Variants in KCND3 observed in about 807,000 individuals in gnomAD.
The protein encoded by KCND3 is potassium voltage-gated channel subfamily D member 3.
A neutral mutation model predicts 51.1 loss-of-function variants in KCND3; 9 were observed. That is an observed-to-expected ratio of 0.18 (90% confidence interval 0.11 to 0.31). KCND3 has a LOEUF of 0.31. KCND3 is among the 10% of genes least tolerant of loss of function. The pLI, the probability that KCND3 is intolerant of heterozygous loss-of-function variation, is 1.00. For missense variants in KCND3, 526 were observed against 903.8 expected (o/e 0.58, Z 5.36); for synonymous variants, 349 against 368.0 (o/e 0.95, Z 0.59).
At chr1:111,941,115 A>C (rs940039798) in intron 2 of KCND3, among the ~76,000 whole-genome samples, 4 of 152,148 alleles carry the variant, frequency 2.6e-5, no homozygotes, top group African/African-American at 9.7e-5. Context: ...ACCTCAGATG[A>C]GTGGCAGCTG....
At chr1:111,791,090 T>G (rs1394070738) in intron 2 of KCND3, among the ~76,000 whole-genome samples, 1 of 152,244 alleles carries the variant, frequency 6.6e-6, no homozygotes, top group Non-Finnish European at 1.5e-5. Flanking sequence ...ATACGGTAAC[T>G]ATGTTGAATA....
intron 2 of KCND3, among the ~76,000 whole-genome samples, chr1:111,850,646 A>G (rs1667770789): frequency 6.6e-6 from 1 of 152,188 alleles, no homozygotes; most frequent in Non-Finnish European, 1.5e-5. Flanking sequence ...GGATTCTGAC[A>G]TGGCTGGTCC....
At chr1:111,849,790 C>A (rs1667724702) in intron 2 of KCND3, among the ~76,000 whole-genome samples, 1 of 152,190 alleles carries the variant, frequency 6.6e-6, no homozygotes, top group South Asian at 2.1e-4. Context: ...CTCCTGAAAA[C>A]TCCGTGGCCC....
intron 2 of KCND3, among the ~76,000 whole-genome samples, chr1:111,801,258 G>T (rs991413491): frequency 6.6e-6 from 1 of 152,228 alleles, no homozygotes; most frequent in Non-Finnish European, 1.5e-5. Context: ...AGGGCTCCAT[G>T]CAGTCTGTGC....
At chr1:111,837,150 C>A (rs1300166249) in intron 2 of KCND3, among the ~76,000 whole-genome samples, 1 of 152,142 alleles carries the variant, frequency 6.6e-6, no homozygotes, top group Non-Finnish European at 1.5e-5. Context: ...GAGCAAAGAT[C>A]CAGACAGGCT....
chr1:111,963,297 A>G (rs777811171), intron 2 of KCND3, among the ~76,000 whole-genome samples: 17 of 152,254 alleles, frequency 1.1e-4, no homozygotes, highest in Admixed American at 2.6e-4. Context: ...AGAAGGAGCT[A>G]GAAAATAGGT....
rs2101900019 is a variant in KCND3, at chr1:111,948,143, C to T, written c.1106+33478G>A. Among the ~76,000 whole-genome samples, 3 of 152,340 alleles carry T rather than the reference C, an allele frequency of 2.0e-5. 1 individual carries two copies. ...TTTGGGGAGGCTGCCCCATCATGCC[C>T]ACAGGGCAAATGGGCCCCACCATGC... On this transcript the variant is annotated intron_variant, in intron 2 of 7. Transcript: ENST00000302127.
At chr1:111,889,724 G>C (rs1216383320) in intron 2 of KCND3, among the ~76,000 whole-genome samples, 2 of 152,146 alleles carry the variant, frequency 1.3e-5, no homozygotes, top group Admixed American at 1.3e-4. Flanking sequence ...AAAATGTAGG[G>C]AATCTGCATT....
intron 2 of KCND3, among the ~76,000 whole-genome samples, chr1:111,917,328 C>T (rs909718981): frequency 2.0e-5 from 3 of 152,160 alleles, no homozygotes; most frequent in African/African-American, 7.2e-5. Context: ...CATGCTCATC[C>T]GTGTAAAAGT....
Position 111,777,067 on chromosome 1 carries a change from C to T in KCND3, c.1725G>A (p.Thr575=), listed in dbSNP as rs148478583. 1.6e-5 allele frequency: 26 copies of T among 1,613,716 alleles called. No individual in the cohort carries two copies. Among genetic ancestry groups the T allele is most frequent in the African/African-American group, 8.0e-5 (6 of 74,888 alleles). ...GCTGCTCACTGCCCTGGATGTGGAT[C>T]GTGCTGAGCTCTTGCATGCTGCGCA... ...TRLRSMQELS[T]IHIQGSEQPS... is the part of the protein sequence containing the mutation. Residue 575 remains threonine (T), a synonymous_variant, in exon 7 of 8, where the codon ACG becomes ACA. Transcript: ENST00000302127.
At chr1:111,940,139 G>A (rs767455854) in intron 2 of KCND3, among the ~76,000 whole-genome samples, 2 of 122,218 alleles carry the variant, frequency 1.6e-5, no homozygotes, top group African/African-American at 3.2e-5. Flanking sequence ...TTTGTCAGAC[G>A]GACAGATTGC....
intron 1 of KCND3, among the ~76,000 whole-genome samples, chr1:111,984,869 TC>T (rs1344172416): frequency 1.3e-5 from 2 of 152,148 alleles, no homozygotes; most frequent in Non-Finnish European, 2.9e-5. Context: ...CTGTGATGCT[TC>T]CTCCTCTCCT....
At chr1:111,889,323 G>C (rs2101757652) in intron 2 of KCND3, among the ~76,000 whole-genome samples, 1 of 152,324 alleles carries the variant, frequency 6.6e-6, no homozygotes, top group Admixed American at 6.5e-5. Flanking sequence ...ATGGGACCCT[G>C]GCACCTGCTA....
At chr1:111,865,656 A>G (rs944014840) in intron 2 of KCND3, among the ~76,000 whole-genome samples, 3 of 152,208 alleles carry the variant, frequency 2.0e-5, no homozygotes, top group Non-Finnish European at 2.9e-5. Flanking sequence ...GCTATTGTTC[A>G]AAACAGCTCT....
At chr1:111,790,289 C>G (rs191532687) in intron 2 of KCND3, among the ~76,000 whole-genome samples, 3 of 152,074 alleles carry the variant, frequency 2.0e-5, no homozygotes, top group Non-Finnish European at 4.4e-5. Flanking sequence ...AGGGTTGTTG[C>G]GATAATTAAT....
At chr1:111,910,857 A>G (rs925295217) in intron 2 of KCND3, 1 of 152,246 alleles carries the variant, frequency 6.6e-6, no homozygotes, top group Non-Finnish European at 1.5e-5. Context: ...CAGAACAGAA[A>G]GAAAGGGAAT....
At chr1:111,946,891 T>A (rs1204451986) in intron 2 of KCND3, among the ~76,000 whole-genome samples, 2 of 152,198 alleles carry the variant, frequency 1.3e-5, no homozygotes, top group Non-Finnish European at 2.9e-5. Context: ...AGGAACTCTA[T>A]TAGGCTCTGC....
At position 111,839,734 on chromosome 1, in the gene KCND3, C is replaced by T. The variant is rs561544458; in HGVS notation, c.1107-52628G>A. ...ACCCTTTGAGAATGGATATCATCTC[C>T]ATTTTACAGATAAGGAGACAGAGGC... On this transcript the variant is annotated intron_variant, in intron 2 of 7. Coordinates refer to ENST00000302127, the MANE Select transcript of KCND3 (RefSeq NM_001378969.1). 2.6e-5 allele frequency among the ~76,000 whole-genome samples: 4 copies of T among 152,340 alleles called. No homozygotes were observed. In the East Asian group the frequency reaches 7.7e-4, roughly 29 times the overall value.
intron 2 of KCND3, among the ~76,000 whole-genome samples, chr1:111,845,485 G>A (rs904105170): frequency 6.6e-6 from 1 of 152,130 alleles, no homozygotes; most frequent in East Asian, 1.9e-4. Flanking sequence ...CACCTCAAAT[G>A]CAGCATATCC....
Sources: gnomAD v4.1 joint callset for allele counts (sites outside exome capture counted in the v4.1 genomes callset) on GRCh38, gnomAD v4.1.1 for gene constraint, MANE v1.5 for transcripts, NCBI Gene and HGNC (gene_info 2026-07-23, HGNC 2026-07-21) for gene names.